Variants in NAA15 observed in about 807,000 individuals in gnomAD.
NAA15 encodes the protein N-terminal acetyltransferase.
In NAA15, 34 loss-of-function variants were observed where a neutral mutation model predicts 114.0. That is an observed-to-expected ratio of 0.30 (90% CI 0.23 to 0.40). The LOEUF (loss-of-function observed/expected upper bound fraction) is 0.40, where lower values mean the gene tolerates loss of function less well. Among genes scored for constraint, NAA15 ranks in the 10% least tolerant of loss-of-function variants. The pLI is 1.00. For missense variants in NAA15, 658 were observed against 1,004.5 expected, an observed-to-expected ratio of 0.66 and a Z score of 4.66; for synonymous variants, 340 against 338.0, an observed-to-expected ratio of 1.01 and a Z score of -0.06.
At chr4:139,334,311 G>A in intron 2 of NAA15, 53 bp downstream of exon 2, 1 of 1,182,648 alleles carries the variant, frequency 8.5e-7, no homozygotes, top group Non-Finnish European at 1.2e-6. Context: ...CTCTCTTACT[G>A]GATTGTATTC....
chr4:139,323,612 T>C (rs1221479561), intron 1 of NAA15, among the ~76,000 whole-genome samples: 4 of 152,128 alleles, frequency 2.6e-5, no homozygotes, highest in Non-Finnish European at 2.9e-5. Flanking sequence ...CTAAGCTCTG[T>C]TTAGGTCCCC....
rs576006323 is a variant in NAA15, at chr4:139,358,599, G to A, written c.1257+1044G>A. Reference sequence around the variant, plus strand: ...AAGTTCTAGGGTACATGTGCACAACGTGCAGGTTTGTTACATAGGTATACA... The same window carrying A: ...AAGTTCTAGGGTACATGTGCACAACATGCAGGTTTGTTACATAGGTATACA... On this transcript the variant is annotated intron_variant, in intron 11 of 19. Coordinates refer to ENST00000296543, the MANE Select transcript of NAA15 (RefSeq NM_057175.5). 1.3e-4 allele frequency among the ~76,000 whole-genome samples: 20 copies of A among 151,980 alleles called. No individual in the cohort carries two copies. In the East Asian group the frequency reaches 2.7e-3, roughly 21 times the overall value.
intron 1 of NAA15, among the ~76,000 whole-genome samples, chr4:139,319,308 A>AC (rs1264144666): frequency 4.0e-5 from 6 of 151,852 alleles, no homozygotes. Flanking sequence ...GGTTTTCAAC[A>AC]CGTTGGCCAG....
chr4:139,317,097 A>C (rs1181446993), intron 1 of NAA15, among the ~76,000 whole-genome samples: 1 of 151,658 alleles, frequency 6.6e-6, no homozygotes, highest in East Asian at 1.9e-4. Context: ...CTGATGGTAA[A>C]TCCTCAGTCA....
chr4:139,322,471 G>A (rs1016379302), intron 1 of NAA15, among the ~76,000 whole-genome samples: 4 of 152,142 alleles, frequency 2.6e-5, no homozygotes, highest in African/African-American at 9.7e-5. Context: ...CATGGGTCTA[G>A]ATTAATCTTA....
intron 1 of NAA15, among the ~76,000 whole-genome samples, chr4:139,314,991 T>TCAGGTCAGGTCAGGTCAGGTCAGGTCAGG (rs1560952660): frequency 1.5e-5 from 1 of 67,464 alleles, no homozygotes; most frequent in Non-Finnish European, 2.9e-5. Context: ...AAGCGTTCAG[T>TCAGGTCAGGTCAGGTCAGGTCAGGTCAGG]TCAGTTCAGT....
chr4:139,362,068 A>G, intron 14 of NAA15, 131 bp downstream of exon 14: 1 of 501,196 alleles, frequency 2.0e-6, no homozygotes, highest in Non-Finnish European at 3.3e-6. Context: ...GGTTCTCTAA[A>G]CAACAAAAGA....
At position 139,341,071 on chromosome 4, in the gene NAA15, T is replaced by TAAGTAA. The variant is rs779930825; in HGVS notation, c.402+5_402+10dup. On this transcript the variant is annotated splice_region_variant and intron_variant, in intron 4 of 19. Coordinates refer to ENST00000296543, the MANE Select transcript of NAA15 (RefSeq NM_057175.5). ...ATGCGAGATCTTGAGGGTTACAGGG[T>TAAGTAA]AAGTAAAATAGAGACTTTTTTTTTT... 2 of 1,531,512 alleles carry TAAGTAA rather than the reference T, an allele frequency of 1.3e-6. No individual in the cohort carries two copies. The highest frequency in any genetic ancestry group is 1.7e-6 in the Non-Finnish European group (2 of 1,143,496). 94.9% of individuals were successfully genotyped at this position (1,531,512 alleles called of 1,614,324 possible). A position where few individuals can be genotyped will look rare whatever the true frequency, so the allele number is the denominator to read the frequency against.
In NAA15 at chr4:139,384,867, A is replaced by G; in HGVS notation, c.2191A>G (p.Arg731Gly). The change falls in exon 18 of 20, where the codon AGA becomes GGA. Residue 731 changes from arginine (R) to glycine (G), a missense_variant. By Grantham distance (125) the Arg-to-Gly change is moderately radical. Coordinates refer to ENST00000296543, the MANE Select transcript of NAA15 (RefSeq NM_057175.5). ...CESKDLSDTV[R>G]TVLKQEMNRL... is the part of the protein sequence containing the mutation. The stretch of plus-strand genomic sequence containing the variant: ...AAGTAAAGATTTATCTGATACAGTT[A>G]GAACAGTATTAAAACAAGAAATGAA... 6.5e-7 allele frequency: 1 copy of G among 1,531,796 alleles called. No homozygotes were observed. Among genetic ancestry groups the G allele is most frequent in the Non-Finnish European group, 8.8e-7 (1 of 1,131,556 alleles). The allele number at this position is 1,531,796 out of a possible 1,614,324, so 94.9% of individuals were successfully genotyped here.
rs1009866087 is a variant in NAA15, at chr4:139,388,265, CA to C, written c.*182del. 16 of 502,360 alleles carry C rather than the reference CA, an allele frequency of 3.2e-5. No individual in the cohort carries two copies. Among genetic ancestry groups the C allele is most frequent in the African/African-American group, 7.9e-5 (4 of 50,954 alleles). The allele number at this position is 502,360 out of a possible 1,614,324, so 31.1% of individuals were successfully genotyped here. On this transcript the variant is annotated 3_prime_UTR_variant, in exon 20 of 20. Transcript: ENST00000296543. Reference sequence around the variant, plus strand: ...AGTATATATAAAATATCTAACATTACAGGATAGAGGTTCAGTTTCTTAAAAA... The same window carrying C: ...AGTATATATAAAATATCTAACATTACGGATAGAGGTTCAGTTTCTTAAAAA...
chr4:139,344,000 C>T (rs927318912), intron 5 of NAA15, among the ~76,000 whole-genome samples, 186 bp from the exon 6 acceptor site: 2 of 152,104 alleles, frequency 1.3e-5, no homozygotes, highest in African/African-American at 2.4e-5. Context: ...TTTTATTCAA[C>T]CTGTTATATC....
chr4:139,317,199 C>T (rs1746439276), intron 1 of NAA15, among the ~76,000 whole-genome samples: 1 of 151,888 alleles, frequency 6.6e-6, no homozygotes, highest in South Asian at 2.1e-4. Context: ...TGTTTATGCT[C>T]TTATACGTAA....
chr4:139,324,612 A>G (rs147960572), intron 1 of NAA15, among the ~76,000 whole-genome samples: 1 of 152,340 alleles, frequency 6.6e-6, no homozygotes, highest in African/African-American at 2.4e-5. Flanking sequence ...ACTTTCCGTA[A>G]ATAAAAGCAA....
At chr4:139,338,275 C>T (rs1747264244) in intron 3 of NAA15, among the ~76,000 whole-genome samples, 1 of 152,198 alleles carries the variant, frequency 6.6e-6, no homozygotes, top group South Asian at 2.1e-4. Flanking sequence ...AACCATGATC[C>T]AAACGGCTGA....
Position 139,360,443 on chromosome 4 carries a change from T to C in NAA15, c.1411-57T>C, listed in dbSNP as rs1400333895. 2.1e-6 allele frequency: 3 copies of C among 1,405,946 alleles called. No individual in the cohort carries two copies. The Admixed American group carries it at 8.0e-5, about 37-fold the overall frequency. The allele number at this position is 1,405,946 out of a possible 1,614,324, so 87.1% of individuals were successfully genotyped here. A position where few individuals can be genotyped will look rare whatever the true frequency, so the allele number is the denominator to read the frequency against. On this transcript the variant is annotated intron_variant, in intron 12 of 19. Coordinates refer to ENST00000296543, the MANE Select transcript of NAA15 (RefSeq NM_057175.5). ...AACATCTTTGTTTTTTAAAATTCTG[T>C]GGTAGAATGATGTCTATGATAAAAA...
At chr4:139,344,108 T>G in intron 5 of NAA15, 78 bp from the exon 6 acceptor site, 2 of 1,274,914 alleles carry the variant, frequency 1.6e-6, no homozygotes, top group Non-Finnish European at 2.2e-6. Flanking sequence ...ACTTCTTACA[T>G]GTTTTTGAGT....
chr4:139,315,440 C>T (rs968266310), intron 1 of NAA15, among the ~76,000 whole-genome samples: 2 of 151,358 alleles, frequency 1.3e-5, no homozygotes, highest in South Asian at 2.1e-4. Flanking sequence ...ATTGCTTGAG[C>T]GTGGCAGGTC....
At chr4:139,301,919 G>C in intron 1 of NAA15, 88 bp downstream of exon 1, 4 of 1,397,206 alleles carry the variant, frequency 2.9e-6, no homozygotes, top group Non-Finnish European at 3.9e-6. Flanking sequence ...CGGGCACTGA[G>C]CCACTCCCGC....
In NAA15 at chr4:139,387,959, G is replaced by C. The variant is rs1748953135; in HGVS notation, c.2476G>C (p.Ala826Pro). The C allele has an allele frequency of 6.2e-7, 1 of 1,613,844 alleles. No individual in the cohort carries two copies. The highest frequency in any genetic ancestry group is 1.3e-5 in the African/African-American group (1 of 74,894). Residue 826 changes from alanine (A) to proline (P), a missense_variant, in exon 20 of 20, where the codon GCA becomes CCA. By Grantham distance (27) the Ala-to-Pro change is conservative (BLOSUM62 -1). Coordinates refer to ENST00000296543, the MANE Select transcript of NAA15 (RefSeq NM_057175.5). Reference sequence around the variant, plus strand: ...TAAAGAAGCTGCTGAAATTTATAGAGCAAATTGTCATAAGCTTTTCCCTTA... The same window carrying C: ...TAAAGAAGCTGCTGAAATTTATAGACCAAATTGTCATAAGCTTTTCCCTTA... ...DCKEAAEIYR[A>P]NCHKLFPYAL...
Sources: allele counts gnomAD v4.1 joint callset (sites outside exome capture counted in the v4.1 genomes callset), GRCh38; gene constraint gnomAD v4.1.1; transcripts MANE v1.5; gene names NCBI Gene and HGNC (gene_info 2026-07-23, HGNC 2026-07-21).